Variants in DAB1 observed in about 807,000 individuals in gnomAD.
The protein encoded by DAB1 is DAB adaptor protein 1.
A neutral mutation model predicts 64.6 loss-of-function variants in DAB1; 15 were observed. The observed-to-expected ratio is 0.23, with a 90% CI of 0.16 to 0.36. The LOEUF is 0.36. Ranked by LOEUF, DAB1 falls within the 10% of genes least tolerant of loss-of-function variation. DAB1 has a pLI of 1.00. For synonymous variants in DAB1, 235 were observed against 251.9 expected (o/e 0.93, Z 0.64); for missense variants, 596 against 706.7 (o/e 0.84, Z 1.78).
At chr1:57,904,600 T>A (rs1242078362) in intron 5 of DAB1, among the ~76,000 whole-genome samples, 1 of 152,132 alleles carries the variant, frequency 6.6e-6, no homozygotes, top group Non-Finnish European at 1.5e-5. Flanking sequence ...AGAGGGGGCC[T>A]TTTGGAGCAG....
In DAB1 at chr1:56,997,720, C is replaced by T. The variant is rs1356979704; in HGVS notation, c.*424G>A. ...AGTCAGTTCCAACCCTGTTGTAATC[C>T]TCTGATGCCTGTCACTCCAAATTTG... On this transcript the variant is annotated 3_prime_UTR_variant, in exon 15 of 15. Coordinates refer to ENST00000371236, the MANE Select transcript of DAB1 (RefSeq NM_001365792.1). 6.6e-6 allele frequency: 1 copy of T among 152,108 alleles called. No homozygotes were observed. The highest frequency in any genetic ancestry group is 1.5e-5 in the Non-Finnish European group (1 of 68,018). The allele number at this position is 152,108 out of a possible 1,614,324, so 9.4% of individuals were successfully genotyped here.
chr1:58,515,973 A>G (rs1646151953), intron 2 of DAB1, among the ~76,000 whole-genome samples: 1 of 152,176 alleles, frequency 6.6e-6, no homozygotes, highest in Admixed American at 6.5e-5. Context: ...GATTTTGCTT[A>G]TTACCTAATG....
At chr1:57,419,876 A>G (rs1022770892) in intron 1 of DAB1, among the ~76,000 whole-genome samples, 1 of 152,256 alleles carries the variant, frequency 6.6e-6, no homozygotes, top group Non-Finnish European at 1.5e-5. Context: ...CAGACTCCTT[A>G]CCACCTGCTA....
At chr1:57,407,775 T>A (rs1683768658) in intron 1 of DAB1, among the ~76,000 whole-genome samples, 1 of 39,084 alleles carries the variant, frequency 2.6e-5, no homozygotes, top group Non-Finnish European at 7.3e-5. Context: ...GAAGTGTGTG[T>A]GTGTGTGTGT....
chr1:58,159,013 A>G (rs1424413053), intron 4 of DAB1, among the ~76,000 whole-genome samples: 2 of 152,196 alleles, frequency 1.3e-5, no homozygotes, highest in African/African-American at 4.8e-5. Flanking sequence ...TGACCTTCAA[A>G]ATAGAACTGG....
At chr1:58,405,871 A>G (rs371990576) in intron 3 of DAB1, among the ~76,000 whole-genome samples, 32 of 152,150 alleles carry the variant, frequency 2.1e-4, no homozygotes, top group Admixed American at 7.2e-4. Context: ...AACACTCCCC[A>G]TGTCTATTTG....
At chr1:57,699,693 T>G (rs139412068) in intron 6 of DAB1, among the ~76,000 whole-genome samples, 1 of 152,080 alleles carries the variant, frequency 6.6e-6, no homozygotes, top group African/African-American at 2.4e-5. Context: ...GGCAGGCAGA[T>G]CACGAGGTCA....
intron 4 of DAB1, among the ~76,000 whole-genome samples, chr1:57,116,304 A>C (rs190436006): frequency 3.4e-3 from 517 of 151,938 alleles, no homozygotes; most frequent in South Asian, 8.8e-3. Flanking sequence ...TCTACTAAAA[A>C]TACAAAAATT....
intron 5 of DAB1, among the ~76,000 whole-genome samples, chr1:57,983,630 G>A (rs768299095): frequency 2.4e-4 from 36 of 152,182 alleles, no homozygotes; most frequent in Non-Finnish European, 3.8e-4. Flanking sequence ...GAGTCACTGA[G>A]TGAGGACCCC....
At chr1:57,648,440 C>A (rs1403271793) in intron 7 of DAB1, among the ~76,000 whole-genome samples, 1 of 152,152 alleles carries the variant, frequency 6.6e-6, no homozygotes, top group Non-Finnish European at 1.5e-5. Flanking sequence ...CAGCTCCCAA[C>A]CTCCTCCACT....
intron 4 of DAB1, among the ~76,000 whole-genome samples, chr1:58,339,372 C>T (rs1663197357): frequency 6.6e-6 from 1 of 152,094 alleles, no homozygotes; most frequent in Non-Finnish European, 1.5e-5. Flanking sequence ...ATCATAAGCT[C>T]TTATCCTCAA....
chr1:57,263,394 A>G (rs745637045), intron 2 of DAB1, among the ~76,000 whole-genome samples: 3 of 152,202 alleles, frequency 2.0e-5, no homozygotes, highest in Non-Finnish European at 4.4e-5. Context: ...TGCTGGGATT[A>G]CAGGCATGAG....
intron 7 of DAB1, among the ~76,000 whole-genome samples, chr1:57,445,019 CACCACAGTGAATACA>C (rs1382560970): frequency 6.6e-6 from 1 of 152,120 alleles, no homozygotes; most frequent in African/African-American, 2.4e-5. Context: ...ATATAGAACT[CACCACAGTGAATACA>C]AAACAGTTGG....
chr1:57,343,862 A>C (rs1677870255), intron 1 of DAB1, among the ~76,000 whole-genome samples: 1 of 152,196 alleles, frequency 6.6e-6, no homozygotes, highest in Non-Finnish European at 1.5e-5. Flanking sequence ...CCCACAGTGC[A>C]TCAGCGGGCT....
chr1:58,264,928 T>G (rs1251133504), intron 4 of DAB1, among the ~76,000 whole-genome samples: 1 of 152,238 alleles, frequency 6.6e-6, no homozygotes, highest in African/African-American at 2.4e-5. Flanking sequence ...TGCTATGATT[T>G]GCACGGTCCT....
intron 2 of DAB1, among the ~76,000 whole-genome samples, chr1:57,180,465 A>G (rs1479422043): frequency 6.6e-6 from 1 of 152,178 alleles, no homozygotes; most frequent in African/African-American, 2.4e-5. Context: ...GAAAGCAAAG[A>G]CTTCAAACTA....
chr1:58,292,931 G>A (rs146696930), intron 4 of DAB1, among the ~76,000 whole-genome samples: 5 of 152,238 alleles, frequency 3.3e-5, no homozygotes, highest in South Asian at 2.1e-4. Context: ...TGCCTTCACC[G>A]AGATCACATT....
At chr1:57,837,515 G>A (rs1054113798) in intron 1 of DAB1, among the ~76,000 whole-genome samples, 1 of 152,038 alleles carries the variant, frequency 6.6e-6, no homozygotes, top group African/African-American at 2.4e-5. Context: ...AAGGATTCCT[G>A]TCCTAAAATA....
chr1:57,580,379 G>A (rs1460929305), intron 7 of DAB1, among the ~76,000 whole-genome samples: 1 of 151,978 alleles, frequency 6.6e-6, no homozygotes. Flanking sequence ...CTGGCCAACC[G>A]ACTGTGACAA....
Sources: allele counts gnomAD v4.1 joint callset (sites outside exome capture counted in the v4.1 genomes callset), GRCh38; gene constraint gnomAD v4.1.1; transcripts MANE v1.5; gene names NCBI Gene and HGNC (gene_info 2026-07-23, HGNC 2026-07-21).